KCNMB2: variants seen among roughly 807,000 people sequenced by gnomAD.
KCNMB2 encodes calcium-activated potassium channel subunit beta-2.
KCNMB2 carries 9 observed loss-of-function variants against 24.5 expected under a neutral mutation model. That is an observed-to-expected ratio of 0.37 (90% CI 0.22 to 0.64). The LOEUF (loss-of-function observed/expected upper bound fraction) is 0.64, where lower values mean the gene tolerates loss of function less well. Among genes scored for constraint, KCNMB2 ranks in the 30% least tolerant of loss-of-function variants. The pLI is 0.63. For synonymous variants in KCNMB2, 109 were observed against 104.4 expected, an observed-to-expected ratio of 1.04 and a Z score of -0.27; for missense variants, 226 against 284.3, an observed-to-expected ratio of 0.79 and a Z score of 1.47.
chr3:178,547,149 G>A (rs774203383), intron 1 of KCNMB2, among the ~76,000 whole-genome samples: 36 of 152,268 alleles, frequency 2.4e-4, no homozygotes, highest in Non-Finnish European at 5.0e-4. Context: ...ATAAATGGAC[G>A]AGTTGGGCCC....
intron 1 of KCNMB2, among the ~76,000 whole-genome samples, chr3:178,634,478 TG>T (rs1719440333): frequency 1.3e-5 from 2 of 152,098 alleles, no homozygotes; most frequent in East Asian, 3.9e-4. Flanking sequence ...CCAAGCAAAA[TG>T]GGAAAAATCC....
intron 1 of KCNMB2, among the ~76,000 whole-genome samples, chr3:178,755,112 T>C (rs1357351322): frequency 6.6e-6 from 1 of 152,186 alleles, no homozygotes; most frequent in Non-Finnish European, 1.5e-5. Context: ...GACCAACAGC[T>C]ATGAGAGTGC....
At chr3:178,658,396 T>G (rs977902541) in intron 1 of KCNMB2, among the ~76,000 whole-genome samples, 1 of 152,220 alleles carries the variant, frequency 6.6e-6, no homozygotes, top group Non-Finnish European at 1.5e-5. Context: ...TAAATGAATC[T>G]TCATTATTTA....
chr3:178,750,528 GGTACATGGA>G (rs891929462), intron 1 of KCNMB2, among the ~76,000 whole-genome samples: 94 of 152,262 alleles, frequency 6.2e-4, no homozygotes, highest in African/African-American at 2.1e-3. Flanking sequence ...TCCAGAGCCT[GGTACATGGA>G]GTTTCCCAGA....
intron 1 of KCNMB2, among the ~76,000 whole-genome samples, chr3:178,652,787 C>T (rs115995059): frequency 0.016 from 2,498 of 151,806 alleles, 58 homozygotes; most frequent in African/African-American, 0.056. Context: ...CACAGCCTCC[C>T]GTGTTGCTGG....
In KCNMB2 at chr3:178,706,617, C is replaced by T. The variant is rs143681873; in HGVS notation, c.-67-100726C>T. 4.9e-3 allele frequency among the ~76,000 whole-genome samples: 747 copies of T among 152,198 alleles called. 4 individuals carry two copies. The highest frequency in any genetic ancestry group is 0.017 in the African/African-American group (703 of 41,532). ...CATAAAAAAGAGGAAGTCATTCTTT[C>T]CCAGTTTGTAATCCCTCTGCCAGGC... On this transcript the variant is annotated intron_variant, in intron 1 of 4. Coordinates refer to ENST00000452583, the MANE Select transcript of KCNMB2 (RefSeq NM_181361.3).
intron 1 of KCNMB2, among the ~76,000 whole-genome samples, chr3:178,786,729 A>G (rs548935578): frequency 6.6e-6 from 1 of 152,134 alleles, no homozygotes; most frequent in Non-Finnish European, 1.5e-5. Context: ...CTAAAACTTA[A>G]AGTATAATAA....
At chr3:178,539,805 G>A (rs927672132) in intron 1 of KCNMB2, among the ~76,000 whole-genome samples, 2 of 151,884 alleles carry the variant, frequency 1.3e-5, no homozygotes, top group African/African-American at 4.8e-5. Flanking sequence ...TATAAACAGA[G>A]ACTTTTTCAA....
intron 1 of KCNMB2, among the ~76,000 whole-genome samples, chr3:178,637,096 A>T (rs1307035854): frequency 6.6e-6 from 1 of 152,040 alleles, no homozygotes; most frequent in East Asian, 1.9e-4. Flanking sequence ...TGTTTATCCA[A>T]TCTATCATTG....
Position 178,652,658 on chromosome 3 carries a change from T to C in KCNMB2, c.-68+115947T>C, listed in dbSNP as rs919859775. Among the ~76,000 whole-genome samples, 28 of 136,948 alleles carry C rather than the reference T, an allele frequency of 2.0e-4. No homozygotes were observed. In the Admixed American group the frequency reaches 2.1e-3, roughly 10 times the overall value. The allele number at this position is 136,948 out of a possible 152,430, so 89.8% of individuals were successfully genotyped here. A position where few individuals can be genotyped will look rare whatever the true frequency, so the allele number is the denominator to read the frequency against. Reference sequence around the variant, plus strand: ...AGCTATTTCTGGACCTCTAGTTCTCTATATACTTTTTTTTTTTTTTGAGAC... The same window carrying C: ...AGCTATTTCTGGACCTCTAGTTCTCCATATACTTTTTTTTTTTTTTGAGAC... On this transcript the variant is annotated intron_variant, in intron 1 of 4. Coordinates refer to ENST00000452583, the MANE Select transcript of KCNMB2 (RefSeq NM_181361.3).
At chr3:178,684,731 T>G (rs1721399729) in intron 1 of KCNMB2, among the ~76,000 whole-genome samples, 1 of 151,992 alleles carries the variant, frequency 6.6e-6, no homozygotes, top group African/African-American at 2.4e-5. Flanking sequence ...CTCGGGAGGC[T>G]GAGGAAGGAG....
At chr3:178,735,484 C>T (rs1422789155) in intron 1 of KCNMB2, among the ~76,000 whole-genome samples, 1 of 152,212 alleles carries the variant, frequency 6.6e-6, no homozygotes, top group Non-Finnish European at 1.5e-5. Context: ...CTGAAGAGTC[C>T]TGGCTAAGGG....
At chr3:178,802,437 A>G (rs942489581) in intron 1 of KCNMB2, among the ~76,000 whole-genome samples, 6 of 152,144 alleles carry the variant, frequency 3.9e-5, no homozygotes, top group African/African-American at 1.4e-4. Context: ...CCCGTATCTC[A>G]CTTGTCCTTG....
At chr3:178,657,755 G>A (rs1457406830) in intron 1 of KCNMB2, among the ~76,000 whole-genome samples, 1 of 152,170 alleles carries the variant, frequency 6.6e-6, no homozygotes, top group African/African-American at 2.4e-5. Flanking sequence ...GGCTACATCT[G>A]GTGAGGGCCT....
chr3:178,833,563 C>T (rs777276891), intron 4 of KCNMB2, among the ~76,000 whole-genome samples: 2 of 152,160 alleles, frequency 1.3e-5, no homozygotes. Context: ...AACGTCAACT[C>T]CCCTTCCTGT....
In KCNMB2 at chr3:178,816,653, A is replaced by T. The variant is rs372268017; in HGVS notation, c.57-8935A>T. 4.9e-4 allele frequency among the ~76,000 whole-genome samples: 75 copies of T among 152,236 alleles called. 2 individuals carry two copies. The highest frequency in any genetic ancestry group is 1.6e-3 in the African/African-American group (68 of 41,564). ...AAATATACAGTTTTGCTTTAGCTGC[A>T]TCCCACTAATTGTTCTAGAGTGTTT... is the stretch of plus-strand genomic sequence containing the variant. On this transcript the variant is annotated intron_variant, in intron 2 of 4. Coordinates refer to ENST00000452583, the MANE Select transcript of KCNMB2 (RefSeq NM_181361.3).
chr3:178,705,039 C>A (rs1722231662), intron 1 of KCNMB2, among the ~76,000 whole-genome samples: 1 of 152,068 alleles, frequency 6.6e-6, no homozygotes, highest in African/African-American at 2.4e-5. Context: ...CCTGTAAGCT[C>A]CTTTCTAGGG....
chr3:178,693,910 G>C (rs1304447572), intron 1 of KCNMB2, among the ~76,000 whole-genome samples: 1 of 144,248 alleles, frequency 6.9e-6, no homozygotes, highest in Non-Finnish European at 1.5e-5. Flanking sequence ...TTTTTAGTTA[G>C]TAGACTATTT....
At chr3:178,746,249 A>G (rs1723663000) in intron 1 of KCNMB2, among the ~76,000 whole-genome samples, 2 of 152,206 alleles carry the variant, frequency 1.3e-5, no homozygotes, top group African/African-American at 4.8e-5. Context: ...GTGTACTGGC[A>G]GTCTCAATAC....
Sources: allele counts gnomAD v4.1 joint callset (sites outside exome capture counted in the v4.1 genomes callset), GRCh38; gene constraint gnomAD v4.1.1; transcripts MANE v1.5; gene names NCBI Gene and HGNC (gene_info 2026-07-23, HGNC 2026-07-21).